Variants in RIGI observed in about 807,000 individuals in gnomAD.
RIGI encodes the protein antiviral innate immune response receptor RIG-I.
At chr9:32,472,396 T>C in the RIGI span, among the ~76,000 whole-genome samples, 10 of 152,360 alleles carry the variant, frequency 6.6e-5, no homozygotes, top group East Asian at 1.9e-3. Flanking sequence ...TTGAGCATTG[T>C]GATGGCTTTT....
chr9:32,477,940 G>GA, the RIGI span, among the ~76,000 whole-genome samples: 7 of 151,500 alleles, frequency 4.6e-5, no homozygotes, highest in East Asian at 1.9e-4. Flanking sequence ...AAAGGAAAAA[G>GA]AAAAAAAATA....
the RIGI span, among the ~76,000 whole-genome samples, chr9:32,514,182 TC>T: frequency 3.3e-5 from 5 of 152,146 alleles, no homozygotes; most frequent in Non-Finnish European, 7.4e-5. Flanking sequence ...TCCTCAAGGA[TC>T]TAGAACCAGA....
chr9:32,483,818 T>G, the RIGI span, among the ~76,000 whole-genome samples: 1 of 151,996 alleles, frequency 6.6e-6, no homozygotes, highest in Non-Finnish European at 1.5e-5. Flanking sequence ...CTAATGGAAG[T>G]CCCTATACTC....
chr9:32,504,316 A>G, the RIGI span, among the ~76,000 whole-genome samples: 41 of 152,144 alleles, frequency 2.7e-4, no homozygotes, highest in Admixed American at 2.6e-4. Flanking sequence ...ATATGAGTCA[A>G]AAGTTTTATA....
the RIGI span, chr9:32,485,691 C>T: frequency 2.8e-6 from 1 of 360,538 alleles, no homozygotes; most frequent in African/African-American, 2.2e-5. Flanking sequence ...CAGGCGCACA[C>T]CACCATGCCC....
the RIGI span, among the ~76,000 whole-genome samples, chr9:32,486,688 C>T: frequency 4.6e-5 from 7 of 150,980 alleles, no homozygotes; most frequent in Non-Finnish European, 8.8e-5. Flanking sequence ...AGAAAGCACA[C>T]GGCATGATTG....
chr9:32,525,941 T>C, the RIGI span: 6 of 824,306 alleles, frequency 7.3e-6, no homozygotes, highest in Non-Finnish European at 1.0e-5. Context: ...TGCGGAGATC[T>C]TACCACAAAC....
chr9:32,461,041 CCA>C, the RIGI span, among the ~76,000 whole-genome samples: 1 of 46,462 alleles, frequency 2.2e-5, no homozygotes, highest in Admixed American at 2.1e-4. Flanking sequence ...TTGAAAGCAG[CCA>C]GAAAAAAAAA....
chr9:32,489,170 AT>A, the RIGI span, among the ~76,000 whole-genome samples: 1 of 152,110 alleles, frequency 6.6e-6, no homozygotes, highest in African/African-American at 2.4e-5. Context: ...AATGTACATA[AT>A]TAATTAATTA....
the RIGI span, among the ~76,000 whole-genome samples, chr9:32,462,931 G>C: frequency 1.3e-5 from 2 of 152,104 alleles, no homozygotes; most frequent in African/African-American, 2.4e-5. Context: ...GCCGAGGCTG[G>C]CATATCACTT....
the RIGI span, among the ~76,000 whole-genome samples, chr9:32,472,753 A>G: frequency 3.3e-5 from 5 of 152,262 alleles, no homozygotes; most frequent in Non-Finnish European, 7.3e-5. Context: ...ATATGTGGAC[A>G]CATATACAAC....
At chr9:32,524,612 T>C in the RIGI span, among the ~76,000 whole-genome samples, 1,615 of 134,692 alleles carry the variant, frequency 0.012, 48 homozygotes, top group African/African-American at 0.045. Context: ...TTTTTTTTTT[T>C]TTTTTTTTTT....
chr9:32,466,285 C>T, the RIGI span: 1 of 1,613,268 alleles, frequency 6.2e-7, no homozygotes, highest in Non-Finnish European at 8.5e-7. Flanking sequence ...ATAACGTAGA[C>T]TTACCTTTTC....
the RIGI span, among the ~76,000 whole-genome samples, chr9:32,524,003 T>C: frequency 2.0e-5 from 3 of 152,122 alleles, no homozygotes; most frequent in African/African-American, 7.2e-5. Context: ...CTGCAATTTA[T>C]TGTCTCCTTC....
chr9:32,504,038 A>AACAGACACACACACACACACACAC, the RIGI span, among the ~76,000 whole-genome samples: 1 of 135,666 alleles, frequency 7.4e-6, no homozygotes, highest in Non-Finnish European at 1.6e-5. Flanking sequence ...CAAGACTCCA[A>AACAGACACACACACACACACACAC]ACACACACAC....
the RIGI span, chr9:32,467,788 T>C: frequency 6.3e-7 from 1 of 1,595,264 alleles, no homozygotes; most frequent in South Asian, 1.1e-5. Flanking sequence ...TTTGATGACA[T>C]TGCCCACATA....
the RIGI span, among the ~76,000 whole-genome samples, chr9:32,524,185 T>TA: frequency 6.6e-6 from 1 of 152,168 alleles, no homozygotes; most frequent in African/African-American, 2.4e-5. Flanking sequence ...CACTAATCAC[T>TA]ATTAGGGCAG....
the RIGI span, among the ~76,000 whole-genome samples, chr9:32,471,581 G>A: frequency 2.6e-5 from 4 of 152,226 alleles, no homozygotes; most frequent in Non-Finnish European, 2.9e-5. Context: ...AGGATGCTAT[G>A]CGAATGTGGA....
chr9:32,521,971 G>C, the RIGI span, among the ~76,000 whole-genome samples: 2 of 151,316 alleles, frequency 1.3e-5, no homozygotes, highest in East Asian at 1.9e-4. Context: ...TCCAGAGCTT[G>C]TTTATTTAGG....
Sources: allele counts gnomAD v4.1 joint callset (sites outside exome capture counted in the v4.1 genomes callset), GRCh38; gene constraint gnomAD v4.1.1; transcripts MANE v1.5; gene names NCBI Gene and HGNC (gene_info 2026-07-23, HGNC 2026-07-21).